CNTNAP2: variants seen among roughly 807,000 people sequenced by gnomAD.
CNTNAP2 encodes the protein contactin associated protein 2.
In CNTNAP2, 98 loss-of-function variants were observed where a neutral mutation model predicts 155.2. The ratio of observed to expected loss-of-function variants is 0.63; its 90% CI spans 0.54 to 0.75. The LOEUF (loss-of-function observed/expected upper bound fraction) is 0.75, where lower values mean the gene tolerates loss of function less well. Among genes scored for constraint, CNTNAP2 ranks in the 30% least tolerant of loss-of-function variants. CNTNAP2 has a pLI of 0.00. For missense variants in CNTNAP2, 1,727 were observed against 1,688.1 expected, an observed-to-expected ratio of 1.02 and a Z score of -0.40; for synonymous variants, 651 against 631.2, an observed-to-expected ratio of 1.03 and a Z score of -0.47.
chr7:146,518,643 C>A (rs181929235), intron 1 of CNTNAP2, among the ~76,000 whole-genome samples: 1 of 151,702 alleles, frequency 6.6e-6, no homozygotes. Context: ...AAAATTCAAA[C>A]ATTTTGATCA....
intron 10 of CNTNAP2, among the ~76,000 whole-genome samples, chr7:147,473,221 A>G (rs896591447): frequency 1.3e-5 from 2 of 152,222 alleles, no homozygotes; most frequent in African/African-American, 2.4e-5. Context: ...GAGTTTGTCT[A>G]TGAAAGGGAT....
intron 1 of CNTNAP2, among the ~76,000 whole-genome samples, chr7:146,469,574 G>A (rs908510162): frequency 2.7e-5 from 4 of 146,212 alleles, no homozygotes; most frequent in African/African-American, 1.0e-4. Flanking sequence ...CCAGGCTAGA[G>A]TGCAGTGACG....
intron 1 of CNTNAP2, among the ~76,000 whole-genome samples, chr7:146,245,275 C>G (rs1195395162): frequency 1.3e-5 from 2 of 152,054 alleles, no homozygotes; most frequent in African/African-American, 4.8e-5. Context: ...AGATTGAAGT[C>G]CGGGCCAGGA....
rs1554447455 is a variant in CNTNAP2 at position 146,550,419 on chromosome 7, T to TTGTTTG, written c.98-223851_98-223850insGTTTGT. The stretch of plus-strand genomic sequence containing the variant: ...TTAATCTGTTTTTTTTTTTTTTTTT[T>TTGTTTG]TTTTTTTTTTATAAAGTACCCGAGA... On this transcript the variant is annotated intron_variant, in intron 1 of 23. Coordinates refer to ENST00000361727, the MANE Select transcript of CNTNAP2 (RefSeq NM_014141.6). Among the ~76,000 whole-genome samples the TTGTTTG allele has an allele frequency of 9.4e-4, 134 of 142,364 alleles. 3 individuals carry two copies. Among genetic ancestry groups the TTGTTTG allele is most frequent in the South Asian group, 9.2e-3 (40 of 4,362 alleles). The allele number at this position is 142,364 out of a possible 152,430, so 93.4% of individuals were successfully genotyped here.
intron 21 of CNTNAP2, among the ~76,000 whole-genome samples, chr7:148,382,402 A>T (rs1222362856): frequency 1.3e-5 from 2 of 152,180 alleles, no homozygotes; most frequent in East Asian, 3.9e-4. Flanking sequence ...ACGGCTTTGA[A>T]ACAATTGATT....
chr7:146,572,313 A>G (rs1392843090), intron 1 of CNTNAP2, among the ~76,000 whole-genome samples: 2 of 147,114 alleles, frequency 1.4e-5, no homozygotes, highest in Non-Finnish European at 3.0e-5. Flanking sequence ...CAAGGAAAGG[A>G]CATTGAAAAT....
chr7:148,018,795 C>T (rs1338042486), intron 15 of CNTNAP2, among the ~76,000 whole-genome samples: 3 of 152,244 alleles, frequency 2.0e-5, no homozygotes, highest in Non-Finnish European at 4.4e-5. Context: ...CACAAAACAG[C>T]ATCAAACAAT....
chr7:146,837,388 C>A lies in CNTNAP2; in HGVS notation c.209-2323C>A, dbSNP rs573030487. On this transcript the variant is annotated intron_variant, in intron 2 of 23. Coordinates refer to ENST00000361727, the MANE Select transcript of CNTNAP2 (RefSeq NM_014141.6). ...TTCTATTTCAGATGTAATTCTTACT[C>A]CTAAAATTTCCATTTTGTTCTCGTT... Among the ~76,000 whole-genome samples the A allele has an allele frequency of 5.9e-5, 9 of 152,168 alleles. No homozygotes were observed. The South Asian group carries it at 1.9e-3, about 32-fold the overall frequency.
chr7:148,296,929 C>T (rs944862834), intron 21 of CNTNAP2, among the ~76,000 whole-genome samples: 14 of 152,180 alleles, frequency 9.2e-5, no homozygotes, highest in African/African-American at 3.4e-4. Context: ...TCCTAGGCCC[C>T]TGAGCCAGCT....
At chr7:146,933,700 G>A (rs918030245) in intron 3 of CNTNAP2, among the ~76,000 whole-genome samples, 3 of 149,712 alleles carry the variant, frequency 2.0e-5, no homozygotes, top group Non-Finnish European at 3.0e-5. Flanking sequence ...CTGACAAAGG[G>A]CTAGTATCCA....
intron 1 of CNTNAP2, among the ~76,000 whole-genome samples, chr7:146,574,758 T>C (rs1798497481): frequency 6.6e-6 from 1 of 152,140 alleles, no homozygotes; most frequent in Admixed American, 6.6e-5. Flanking sequence ...TTATAAAATG[T>C]ATGTGAAAAC....
chr7:147,620,514 TATATC>T (rs1207580939), intron 12 of CNTNAP2, among the ~76,000 whole-genome samples: 4 of 149,726 alleles, frequency 2.7e-5, no homozygotes, highest in Admixed American at 1.3e-4. Context: ...AAATAACTAA[TATATC>T]ATATAATTAT....
intron 9 of CNTNAP2, among the ~76,000 whole-genome samples, chr7:147,381,722 C>G (rs1337433392): frequency 3.3e-5 from 5 of 152,042 alleles, no homozygotes; most frequent in Non-Finnish European, 7.4e-5. Context: ...TCTCTAATTT[C>G]TTTTCAATTT....
intron 8 of CNTNAP2, among the ~76,000 whole-genome samples, chr7:147,262,874 A>G (rs192361351): frequency 2.6e-5 from 4 of 152,338 alleles, no homozygotes; most frequent in Admixed American, 2.6e-4. Context: ...ACCCAAATGT[A>G]CTGACAACTT....
intron 9 of CNTNAP2, among the ~76,000 whole-genome samples, chr7:147,364,014 T>A (rs979848806): frequency 6.6e-6 from 1 of 152,318 alleles, no homozygotes; most frequent in East Asian, 1.9e-4. Context: ...AGAAGATCAC[T>A]GAATAGAATA....
rs148461314 is a variant in CNTNAP2 at position 146,981,311 on chromosome 7, G to A, written c.403-62596G>A. On this transcript the variant is annotated intron_variant, in intron 3 of 23. Transcript: ENST00000361727. ...ATTCAAAGATATTTCTGATTTATTC[G>A]TGTAAATTTTGGGATAGAAAAATAG... Among the ~76,000 whole-genome samples, 837 of 152,242 alleles carry A rather than the reference G, an allele frequency of 5.5e-3. 6 individuals are homozygous for A. Among genetic ancestry groups the A allele is most frequent in the African/African-American group, 0.019 (786 of 41,546 alleles).
intron 1 of CNTNAP2, among the ~76,000 whole-genome samples, chr7:146,344,975 T>C (rs1476494524): frequency 1.3e-5 from 2 of 152,200 alleles, no homozygotes; most frequent in African/African-American, 4.8e-5. Context: ...TGGAGAATAA[T>C]ATGAAATGTT....
At chr7:146,263,129 C>T in intron 1 of CNTNAP2, among the ~76,000 whole-genome samples, 1 of 151,964 alleles carries the variant, frequency 6.6e-6, no homozygotes, top group East Asian at 1.9e-4. Flanking sequence ...CCAGCCTGGC[C>T]AATATGGTGA....
intron 1 of CNTNAP2, among the ~76,000 whole-genome samples, chr7:146,634,713 GAAT>G (rs1237400619): frequency 6.6e-6 from 1 of 152,178 alleles, no homozygotes; most frequent in African/African-American, 2.4e-5. Flanking sequence ...TGCAAGGAAA[GAAT>G]AAGCAAACAA....
Sources: allele counts gnomAD v4.1 joint callset (sites outside exome capture counted in the v4.1 genomes callset), GRCh38; gene constraint gnomAD v4.1.1; transcripts MANE v1.5; gene names NCBI Gene and HGNC (gene_info 2026-07-23, HGNC 2026-07-21).